EPS8: variants seen among roughly 807,000 people sequenced by gnomAD.
EPS8 encodes the protein EGFR pathway substrate 8, signaling adaptor.
EPS8 carries 42 observed loss-of-function variants against 103.8 expected under a neutral mutation model. That is an observed-to-expected ratio of 0.40 (90% CI 0.32 to 0.52). The LOEUF is 0.52. EPS8 is among the 20% of genes least tolerant of loss of function. EPS8 has a pLI of 0.40. For synonymous variants in EPS8, 344 were observed against 344.6 expected (o/e 1.00, Z 0.02); for missense variants, 969 against 1,005.1 (o/e 0.96, Z 0.49).
rs116752053 is a variant in EPS8 at position 15,727,054 on chromosome 12, G to A, written c.-21-44082C>T. Reference sequence around the variant, plus strand: ...AAGAATGACTACAGTTCAGTGAGTGGTATTTTTTCAAGGTCTGAAACTCAC... The same window carrying A: ...AAGAATGACTACAGTTCAGTGAGTGATATTTTTTCAAGGTCTGAAACTCAC... On this transcript the variant is annotated intron_variant, in intron 1 of 20. Transcript: ENST00000281172. The surrounding 1 kb of genome is among the most constrained non-coding windows in gnomAD (Gnocchi z 4.3). Among the ~76,000 whole-genome samples the A allele has an allele frequency of 4.3e-4, 65 of 152,238 alleles. No individual in the cohort carries two copies. The highest frequency in any genetic ancestry group is 1.5e-3 in the African/African-American group (63 of 41,534).
At position 15,780,380 on chromosome 12, in the gene EPS8, A is replaced by G. The variant is rs1947248053; in HGVS notation, c.-22+8781T>C. Among the ~76,000 whole-genome samples, 1 of 151,840 alleles carries G rather than the reference A, an allele frequency of 6.6e-6. No homozygotes were observed. Among genetic ancestry groups the G allele is most frequent in the Admixed American group, 6.6e-5 (1 of 15,234 alleles). On this transcript the variant is annotated intron_variant, in intron 1 of 20. Coordinates refer to ENST00000281172, the MANE Select transcript of EPS8 (RefSeq NM_004447.6). This position sits in a 1 kb window ranked among gnomAD's most constrained non-coding sequence, Gnocchi z 4.1. ...GAGATGAGCGTCTCGCTTTGCCTCA[A>G]AAATTCATTCTATGAGACTCAAACA...
At chr12:15,630,990 A>C (rs1273143273) in intron 18 of EPS8, among the ~76,000 whole-genome samples, 1 of 152,188 alleles carries the variant, frequency 6.6e-6, no homozygotes, top group East Asian at 1.9e-4. Context: ...AGAAGACAAA[A>C]TCGCTCCTGG....
chr12:15,649,840 A>G (rs1015774185), intron 14 of EPS8, among the ~76,000 whole-genome samples: 1 of 152,216 alleles, frequency 6.6e-6, no homozygotes, highest in African/African-American at 2.4e-5. Flanking sequence ...ATTCCCTCAT[A>G]ACATATTTGC....
intron 1 of EPS8, among the ~76,000 whole-genome samples, chr12:15,782,928 T>C (rs1448459938): frequency 1.3e-5 from 2 of 152,216 alleles, no homozygotes; most frequent in African/African-American, 4.8e-5. Context: ...GTAAATTGTG[T>C]ATCACAGTAA....
chr12:15,657,495 C>T (rs527729612), intron 12 of EPS8, among the ~76,000 whole-genome samples: 3 of 152,276 alleles, frequency 2.0e-5, no homozygotes, highest in South Asian at 4.2e-4. Flanking sequence ...ATTGGCTACC[C>T]CACTATGTTA....
intron 1 of EPS8, among the ~76,000 whole-genome samples, chr12:15,732,043 G>C (rs1219031615): frequency 1.3e-5 from 2 of 152,158 alleles, no homozygotes; most frequent in Non-Finnish European, 2.9e-5. Context: ...GAGTAGGTAA[G>C]TCTAAAGTGA....
At chr12:15,744,469 G>A (rs1202932594) in intron 1 of EPS8, among the ~76,000 whole-genome samples, 5 of 152,144 alleles carry the variant, frequency 3.3e-5, no homozygotes, top group Non-Finnish European at 5.9e-5. Flanking sequence ...TAATATTTGA[G>A]CACTTCCAGC....
chr12:15,701,845 C>T lies in EPS8; in HGVS notation c.-21-18873G>A, dbSNP rs1946315530. Among the ~76,000 whole-genome samples, 1 of 152,120 alleles carries T rather than the reference C, an allele frequency of 6.6e-6. No homozygotes were observed. Among genetic ancestry groups the T allele is most frequent in the South Asian group, 2.1e-4 (1 of 4,822 alleles). On this transcript the variant is annotated intron_variant, in intron 1 of 20. Coordinates refer to ENST00000281172, the MANE Select transcript of EPS8 (RefSeq NM_004447.6). This position sits in a 1 kb window ranked among gnomAD's most constrained non-coding sequence, Gnocchi z 5.1. ...ACATTTCCTTCTTCAAAATAACAAG[C>T]AATTAAATGGGATCTTGCTGTTTGT...
rs911981511 is a variant in EPS8, at chr12:15,745,440, C to G, written c.-22+43721G>C. On this transcript the variant is annotated intron_variant, in intron 1 of 20. Coordinates refer to ENST00000281172, the MANE Select transcript of EPS8 (RefSeq NM_004447.6). This position sits in a 1 kb window ranked among gnomAD's most constrained non-coding sequence, Gnocchi z 4.6. ...AAAGATGTGGGAATTCTCAACATTGCTGTAAACAGCCACTACTAAATTATA... is the reference window on the plus strand; with the variant it reads ...AAAGATGTGGGAATTCTCAACATTGGTGTAAACAGCCACTACTAAATTATA... Among the ~76,000 whole-genome samples the G allele has an allele frequency of 1.1e-4, 17 of 151,924 alleles. No homozygotes were observed. The highest frequency in any genetic ancestry group is 1.3e-4 in the Admixed American group (2 of 15,244).
chr12:15,636,906 C>G (rs1334705923), intron 17 of EPS8, among the ~76,000 whole-genome samples: 2 of 152,200 alleles, frequency 1.3e-5, no homozygotes, highest in African/African-American at 4.8e-5. Context: ...ATCAGATCAA[C>G]TTTTATCACA....
chr12:15,756,240 A>G (rs1946985183), intron 1 of EPS8, among the ~76,000 whole-genome samples: 1 of 152,224 alleles, frequency 6.6e-6, no homozygotes, highest in Non-Finnish European at 1.5e-5. Flanking sequence ...TGACCACATT[A>G]GCAAAGTAGT....
intron 1 of EPS8, among the ~76,000 whole-genome samples, chr12:15,755,438 G>A (rs1490576853): frequency 6.6e-6 from 1 of 152,094 alleles, no homozygotes; most frequent in African/African-American, 2.4e-5. Context: ...CATCTCAGAA[G>A]GACCACTGAT....
chr12:15,647,011 A>C (rs1945329785), intron 15 of EPS8, 116 bp downstream of exon 15: 1 of 989,934 alleles, frequency 1.0e-6, no homozygotes. Flanking sequence ...TTATCAACTA[A>C]TTAACAGATG....
At position 15,690,552 on chromosome 12, in the gene EPS8, C is replaced by G. The variant is rs915980740; in HGVS notation, c.-21-7580G>C. Among the ~76,000 whole-genome samples, 1 of 152,130 alleles carries G rather than the reference C, an allele frequency of 6.6e-6. No individual in the cohort carries two copies. The highest frequency in any genetic ancestry group is 1.5e-5 in the Non-Finnish European group (1 of 68,030). On this transcript the variant is annotated intron_variant, in intron 1 of 20. Transcript: ENST00000281172. This position sits in a 1 kb window ranked among gnomAD's most constrained non-coding sequence, Gnocchi z 4.7. ...ATAAGGGAACACAGAGGTATTATAT[C>G]TTATCAAGGATTATCCATTGTTTCA...
intron 1 of EPS8, among the ~76,000 whole-genome samples, chr12:15,746,475 G>A (rs981438954): frequency 5.9e-5 from 9 of 151,876 alleles, no homozygotes; most frequent in Non-Finnish European, 8.8e-5. Flanking sequence ...TAATCAAAAT[G>A]AGCTTAACTG....
intron 1 of EPS8, chr12:15,683,944 G>C (rs941727773): frequency 6.6e-6 from 1 of 152,052 alleles, no homozygotes; most frequent in Non-Finnish European, 1.5e-5. Context: ...CAGCTTTATG[G>C]GCCAAGGGGG....
rs1298163822 is a variant in EPS8, at chr12:15,620,646, T to G, written c.*671A>C. On this transcript the variant is annotated 3_prime_UTR_variant, in exon 21 of 21. Coordinates refer to ENST00000281172, the MANE Select transcript of EPS8 (RefSeq NM_004447.6). ...ATATATAAGAACACAGTATACATAA[T>G]AAGCAGAATATAAACTAAATCAAAA... 3 of 152,608 alleles carry G rather than the reference T, an allele frequency of 2.0e-5. No homozygotes were observed. The highest frequency in any genetic ancestry group is 2.9e-5 in the Non-Finnish European group (2 of 68,032). 9.5% of individuals were successfully genotyped at this position (152,608 alleles called of 1,614,324 possible). A position where few individuals can be genotyped will look rare whatever the true frequency, so the allele number is the denominator to read the frequency against.
intron 15 of EPS8, among the ~76,000 whole-genome samples, chr12:15,644,752 A>T (rs1945292781): frequency 6.6e-6 from 1 of 152,120 alleles, no homozygotes. Context: ...TTCTTTTAAC[A>T]GTATCTACTG....
intron 1 of EPS8, among the ~76,000 whole-genome samples, chr12:15,730,029 A>G (rs1946696677): frequency 6.6e-6 from 1 of 152,190 alleles, no homozygotes; most frequent in South Asian, 2.1e-4. Context: ...CGTACTGGCT[A>G]TCACAACACT....
Sources: allele counts gnomAD v4.1 joint callset (sites outside exome capture counted in the v4.1 genomes callset), GRCh38; gene constraint gnomAD v4.1.1; non-coding constraint Gnocchi (gnomAD v3.1); transcripts MANE v1.5; gene names NCBI Gene and HGNC (gene_info 2026-07-23, HGNC 2026-07-21).